The following SHANK2 variants were observed in gnomAD, a reference collection of about 807,000 sequenced individuals.
SHANK2 encodes SH3 and multiple ankyrin repeat domains 2.
Under a neutral mutation model 133.7 loss-of-function variants are expected in SHANK2, and 43 were observed. That is an observed-to-expected ratio of 0.32 (90% CI 0.25 to 0.41). The LOEUF is 0.41. SHANK2 is among the 10% of genes least tolerant of loss of function. SHANK2 has a pLI of 1.00. For synonymous variants in SHANK2, 1,017 were observed against 952.8 expected, an observed-to-expected ratio of 1.07 and a Z score of -1.24; for missense variants, 1,994 against 2,235.8, an observed-to-expected ratio of 0.89 and a Z score of 2.18.
intron 14 of SHANK2, among the ~76,000 whole-genome samples, chr11:70,768,001 C>T (rs1430788074): frequency 2.6e-5 from 4 of 151,958 alleles, no homozygotes; most frequent in Admixed American, 6.6e-5. Flanking sequence ...AAAGGCGGGG[C>T]AGGGTGCTAG....
intron 17 of SHANK2, among the ~76,000 whole-genome samples, chr11:70,513,553 T>G (rs184694859): frequency 5.9e-5 from 9 of 152,288 alleles, no homozygotes; most frequent in Admixed American, 3.9e-4. Flanking sequence ...GGGATACAAC[T>G]CAAACTTATT....
chr11:70,880,600 C>A (rs1949644651), intron 11 of SHANK2, among the ~76,000 whole-genome samples: 1 of 152,224 alleles, frequency 6.6e-6, no homozygotes, highest in South Asian at 2.1e-4. Flanking sequence ...GCCCATGGAA[C>A]ACAGAAGTCA....
intron 10 of SHANK2, among the ~76,000 whole-genome samples, chr11:70,923,092 A>G (rs1307573136): frequency 6.6e-6 from 1 of 152,216 alleles, no homozygotes; most frequent in African/African-American, 2.4e-5. Flanking sequence ...TTTTTATGAC[A>G]GGGAGTCATT....
chr11:71,210,944 C>T (rs1443845147), intron 2 of SHANK2, among the ~76,000 whole-genome samples: 21 of 152,172 alleles, frequency 1.4e-4, no homozygotes, highest in South Asian at 4.1e-4. Context: ...CCAAGACAGA[C>T]GCATGAGGAG....
At chr11:70,476,388 A>T (rs529614540) in intron 25 of SHANK2, among the ~76,000 whole-genome samples, 1 of 130,954 alleles carries the variant, frequency 7.6e-6, no homozygotes, top group East Asian at 3.3e-4. Context: ...ACACGAAAAA[A>T]CCTGCAACCC....
intron 2 of SHANK2, among the ~76,000 whole-genome samples, chr11:71,203,931 C>T (rs756809376): frequency 7.2e-5 from 11 of 152,186 alleles, no homozygotes; most frequent in Admixed American, 1.3e-4. Context: ...ATCTACGTGC[C>T]GCCCCGGGAG....
chr11:70,848,506 T>C (rs932262236), intron 11 of SHANK2, among the ~76,000 whole-genome samples: 5 of 152,188 alleles, frequency 3.3e-5, no homozygotes, highest in South Asian at 2.1e-4. Context: ...TAAGGGGCTT[T>C]TTTATTGCAG....
chr11:70,726,693 C>T (rs1555030783), intron 14 of SHANK2, among the ~76,000 whole-genome samples: 2 of 152,152 alleles, frequency 1.3e-5, no homozygotes, highest in Non-Finnish European at 2.9e-5. Context: ...GAACCTACAC[C>T]CGTATGCGAT....
chr11:70,862,563 TGGCTGATGGACTGGACG>T (rs1388029061), intron 11 of SHANK2, among the ~76,000 whole-genome samples: 4 of 151,214 alleles, frequency 2.6e-5, no homozygotes, highest in Admixed American at 6.6e-5. Flanking sequence ...ATGACTGGAC[TGGCTGATGGACTGGACG>T]GGCTGATGGA....
chr11:71,244,068 C>A (rs1954928279), intron 1 of SHANK2, among the ~76,000 whole-genome samples: 2 of 152,220 alleles, frequency 1.3e-5, no homozygotes, highest in Non-Finnish European at 2.9e-5. Flanking sequence ...AAACTATAGG[C>A]TTCCTTGGGC....
chr11:70,725,257 C>T (rs1402759132), intron 14 of SHANK2, among the ~76,000 whole-genome samples: 1 of 152,166 alleles, frequency 6.6e-6, no homozygotes, highest in Non-Finnish European at 1.5e-5. Flanking sequence ...TTCATAAATG[C>T]CACTAACACC....
intron 11 of SHANK2, among the ~76,000 whole-genome samples, chr11:70,841,625 T>A (rs1466305121): frequency 6.6e-6 from 1 of 152,148 alleles, no homozygotes; most frequent in Non-Finnish European, 1.5e-5. Context: ...TTGACCTGGG[T>A]GCCTGCGATC....
At chr11:70,548,115 G>A (rs1591564509) in intron 17 of SHANK2, among the ~76,000 whole-genome samples, 1 of 152,216 alleles carries the variant, frequency 6.6e-6, no homozygotes, top group Non-Finnish European at 1.5e-5. Flanking sequence ...CTCTCACTCC[G>A]CCTTCCTTCC....
chr11:71,122,017 G>C (rs1555101560), intron 3 of SHANK2, among the ~76,000 whole-genome samples: 1 of 152,236 alleles, frequency 6.6e-6, no homozygotes, highest in African/African-American at 2.4e-5. Context: ...AGAGGATGTG[G>C]AGAAATAGGA....
At chr11:70,819,844 G>A (rs111837662) in intron 12 of SHANK2, among the ~76,000 whole-genome samples, 1 of 152,154 alleles carries the variant, frequency 6.6e-6, no homozygotes, top group Non-Finnish European at 1.5e-5. Context: ...ACAGCCAGAC[G>A]CCAGAGCCCT....
intron 10 of SHANK2, among the ~76,000 whole-genome samples, chr11:70,944,316 A>T (rs1329731912): frequency 3.9e-5 from 6 of 151,954 alleles, no homozygotes; most frequent in Admixed American, 2.0e-4. Context: ...GAAGCTCCAC[A>T]CTCATCCCAG....
chr11:70,586,405 G>A (rs1008848760), intron 17 of SHANK2, among the ~76,000 whole-genome samples: 6 of 152,136 alleles, frequency 3.9e-5, no homozygotes, highest in African/African-American at 1.4e-4. Flanking sequence ...GAATGAGGGA[G>A]GTTCTGGGGC....
At chr11:71,172,431 C>T (rs1555112366) in intron 2 of SHANK2, among the ~76,000 whole-genome samples, 1 of 151,882 alleles carries the variant, frequency 6.6e-6, no homozygotes, top group Admixed American at 6.6e-5. Context: ...CACCCCATCT[C>T]TACTAAAAAT....
chr11:71,199,119 A>C (rs1453911354), intron 2 of SHANK2, among the ~76,000 whole-genome samples: 1 of 152,194 alleles, frequency 6.6e-6, no homozygotes, highest in Non-Finnish European at 1.5e-5. Context: ...AGACAGTCTC[A>C]GCAGTTACCA....
Sources: gnomAD v4.1 joint callset for allele counts (sites outside exome capture counted in the v4.1 genomes callset) on GRCh38, gnomAD v4.1.1 for gene constraint, MANE v1.5 for transcripts, NCBI Gene and HGNC (gene_info 2026-07-23, HGNC 2026-07-21) for gene names.